Variants in ECE1 observed in about 807,000 individuals in gnomAD.
The protein encoded by ECE1 is endothelin converting enzyme 1.
A neutral mutation model predicts 98.6 loss-of-function variants in ECE1; 35 were observed. That is an observed-to-expected ratio of 0.35 (90% CI 0.27 to 0.47). The LOEUF (loss-of-function observed/expected upper bound fraction) is 0.47, where lower values mean the gene tolerates loss of function less well. ECE1 is among the 20% of genes least tolerant of loss of function. The pLI is 1.00. For missense variants in ECE1, 814 were observed against 1,025.3 expected, an observed-to-expected ratio of 0.79 and a Z score of 2.81; for synonymous variants, 394 against 407.1, an observed-to-expected ratio of 0.97 and a Z score of 0.39.
chr1:21,274,978 T>C (rs2098244826), intron 3 of ECE1, among the ~76,000 whole-genome samples: 1 of 152,182 alleles, frequency 6.6e-6, no homozygotes, highest in South Asian at 2.1e-4. Context: ...ACCAGAATCT[T>C]TATGGGGCAG....
At chr1:21,341,884 C>T (rs1449022347) in intron 1 of ECE1, among the ~76,000 whole-genome samples, 4 of 152,004 alleles carry the variant, frequency 2.6e-5, no homozygotes, top group African/African-American at 4.8e-5. Flanking sequence ...GTGATCCTCT[C>T]GCCTCGCCCC....
At chr1:21,273,705 G>A (rs568935890) in intron 3 of ECE1, among the ~76,000 whole-genome samples, 3 of 152,328 alleles carry the variant, frequency 2.0e-5, no homozygotes, top group African/African-American at 7.2e-5. Flanking sequence ...GCTCACGCCT[G>A]TAATCCCAGC....
intron 4 of ECE1, among the ~76,000 whole-genome samples, chr1:21,261,801 C>T (rs1352464894): frequency 6.6e-6 from 1 of 152,096 alleles, no homozygotes; most frequent in Non-Finnish European, 1.5e-5. Flanking sequence ...AGAGGGCGTT[C>T]CATTTGAGCT....
intron 2 of ECE1, 130 bp from the exon 3 acceptor site, chr1:21,279,462 T>C (rs758553849): frequency 1.0e-5 from 16 of 1,546,420 alleles, no homozygotes; most frequent in Non-Finnish European, 1.4e-5. Context: ...TCAGGGGTGG[T>C]CTGGTTCCCA....
intron 3 of ECE1, among the ~76,000 whole-genome samples, chr1:21,274,686 C>T (rs2098244407): frequency 6.6e-6 from 1 of 152,188 alleles, no homozygotes; most frequent in Admixed American, 6.5e-5. Context: ...GAATTAGTAA[C>T]ATTTGATGAC....
intron 6 of ECE1, among the ~76,000 whole-genome samples, chr1:21,257,886 A>G (rs190493633): frequency 1.6e-4 from 24 of 152,226 alleles, no homozygotes; most frequent in African/African-American, 4.3e-4. Flanking sequence ...TATCTCCCCA[A>G]CGCTTTCCAG....
At chr1:21,261,444 A>G (rs546461898) in intron 4 of ECE1, among the ~76,000 whole-genome samples, 2 of 152,176 alleles carry the variant, frequency 1.3e-5, no homozygotes, top group African/African-American at 4.8e-5. Flanking sequence ...ACAAGAGAAA[A>G]CATCCCTGTC....
At chr1:21,344,723 G>A (rs1639464286) in intron 1 of ECE1, among the ~76,000 whole-genome samples, 1 of 152,178 alleles carries the variant, frequency 6.6e-6, no homozygotes, top group South Asian at 2.1e-4. Flanking sequence ...CTCCTCTGAG[G>A]ACCCATCACC....
intron 12 of ECE1, among the ~76,000 whole-genome samples, chr1:21,236,346 T>C (rs1332962917): frequency 2.0e-5 from 3 of 152,254 alleles, no homozygotes; most frequent in Non-Finnish European, 4.4e-5. Context: ...ATCCAGGCTG[T>C]GCTGCCGGAC....
chr1:21,232,386 C>A (rs1319170641), intron 14 of ECE1, among the ~76,000 whole-genome samples: 3 of 151,766 alleles, frequency 2.0e-5, no homozygotes, highest in Non-Finnish European at 4.4e-5. Context: ...GCAGCTTCGA[C>A]CTCCTGGGCT....
rs531547386 is a variant in ECE1 at position 21,257,789 on chromosome 1, C to A, written c.763-199G>T. Among the ~76,000 whole-genome samples, 101 of 152,100 alleles carry A rather than the reference C, an allele frequency of 6.6e-4. 1 individual carries two copies. The highest frequency in any genetic ancestry group is 2.2e-3 in the African/African-American group (91 of 41,554). ...ACATTCCTGCCTGTCCACGTGGCCC[C>A]CCCCCGCAGGGCTCCTGGGCTCCTC... On this transcript the variant is annotated intron_variant, in intron 6 of 18. Transcript: ENST00000374893.
Position 21,257,582 on chromosome 1 carries a change from C to G in ECE1, c.771G>C (p.Gln257His). 1 of 1,614,140 alleles carries G rather than the reference C, an allele frequency of 6.2e-7. No individual in the cohort carries two copies. The highest frequency in any genetic ancestry group is 2.2e-5 in the East Asian group (1 of 44,894). ...CTCTCGAGGGCAAGCCCAGGCCAGA[C>G]TGGTCCACCTGGCAAGAGAAGCAGG... ...NSNSNVIQVD[Q>H]SGLGLPSRDY... Residue 257 changes from glutamine (Q) to histidine (H), a missense_variant, in exon 7 of 19, where the codon CAG becomes CAC. Gln to His is a conservative substitution (Grantham distance 24). Around this residue, in one of 3 missense-constraint regions of ECE1, gnomAD observed 105 missense variants for 179.1 expected, o/e 0.59. Coordinates refer to ENST00000374893, the MANE Select transcript of ECE1 (RefSeq NM_001397.3).
intron 1 of ECE1, among the ~76,000 whole-genome samples, chr1:21,297,756 C>T (rs1199239213): frequency 2.0e-5 from 3 of 151,542 alleles, no homozygotes; most frequent in African/African-American, 7.3e-5. Context: ...AGGCTGGTCT[C>T]GAACTCCTGA....
At chr1:21,274,242 G>A (rs903908615) in intron 3 of ECE1, among the ~76,000 whole-genome samples, 10 of 152,232 alleles carry the variant, frequency 6.6e-5, no homozygotes, top group Non-Finnish European at 1.3e-4. Flanking sequence ...TCTTGGTCCA[G>A]CCATGCCAAG....
chr1:21,261,356 G>A (rs2282714), intron 4 of ECE1, among the ~76,000 whole-genome samples: 44,190 of 151,854 alleles, frequency 0.29, 6,897 homozygotes, highest in East Asian at 0.44. Flanking sequence ...AGACTTTCCT[G>A]GCAGAACTGT....
intron 8 of ECE1, among the ~76,000 whole-genome samples, chr1:21,248,219 G>A (rs1243763997): frequency 6.6e-6 from 1 of 151,306 alleles, no homozygotes; most frequent in Non-Finnish European, 1.5e-5. Flanking sequence ...TGTCCAGGCT[G>A]GAGTGCAGTG....
chr1:21,256,417 A>G (rs890274244), intron 7 of ECE1, among the ~76,000 whole-genome samples: 1 of 152,188 alleles, frequency 6.6e-6, no homozygotes, highest in Non-Finnish European at 1.5e-5. Context: ...TTAGCTGAGC[A>G]TAGTGGGAGG....
intron 3 of ECE1, 94 bp from the exon 4 acceptor site, chr1:21,273,005 C>T: frequency 7.4e-7 from 1 of 1,348,580 alleles, no homozygotes. Flanking sequence ...GGCCACATGT[C>T]CCACCCTGGC....
At chr1:21,303,506 G>T (rs1638530345) in intron 1 of ECE1, among the ~76,000 whole-genome samples, 1 of 152,230 alleles carries the variant, frequency 6.6e-6, no homozygotes, top group Non-Finnish European at 1.5e-5. Flanking sequence ...GAGCACTTAG[G>T]ACAGGACCTG....
Sources: gnomAD v4.1 joint callset for allele counts (sites outside exome capture counted in the v4.1 genomes callset) on GRCh38, gnomAD v4.1.1 for gene constraint, gnomAD v4.1.1 regional missense constraint, MANE v1.5 for transcripts, NCBI Gene and HGNC (gene_info 2026-07-23, HGNC 2026-07-21) for gene names.